BAZ2A: variants seen among roughly 807,000 people sequenced by gnomAD.
The protein encoded by BAZ2A is bromodomain adjacent to zinc finger domain protein 2A.
In BAZ2A, 34 loss-of-function variants were observed where a neutral mutation model predicts 199.9. The ratio of observed to expected loss-of-function variants is 0.17; its 90% CI spans 0.13 to 0.23. The LOEUF is 0.23. Ranked by LOEUF, BAZ2A falls within the 10% of genes least tolerant of loss-of-function variation. The pLI, the probability that BAZ2A is intolerant of heterozygous loss-of-function variation, is 1.00. For synonymous variants in BAZ2A, 857 were observed against 883.9 expected (o/e 0.97, Z 0.54); for missense variants, 2,002 against 2,391.1 (o/e 0.84, Z 3.39).
rs770698088 is a variant in BAZ2A at position 56,611,847 on chromosome 12, T to C, written c.1535A>G (p.Asp512Gly). 1 of 1,594,878 alleles carries C rather than the reference T, an allele frequency of 6.3e-7. No homozygotes were observed. The highest frequency in any genetic ancestry group is 2.2e-5 in the East Asian group (1 of 44,642). The change falls in exon 6 of 29, where the codon GAT (aspartate) becomes GGT (glycine). Residue 512 changes from aspartate to glycine, a missense_variant. Physicochemically the swap from Asp to Gly is moderately conservative, Grantham distance 94 (BLOSUM62 -1). This residue lies in a region of BAZ2A where 641 missense variants were observed against 694.5 expected (regional missense o/e 0.92). Transcript: ENST00000549884. The stretch of plus-strand genomic sequence containing the variant: ...AGTGGTTTCTAGAAAGCTGCTGACA[T>C]CCTTATTTGCTGGGGAGGCTGTTGG... ...AFPTASPANK[D>G]VSSFLETTAD...
At position 56,601,781 on chromosome 12, in the gene BAZ2A, G is replaced by A; in HGVS notation, c.3836C>T (p.Ser1279Phe). The A allele has an allele frequency of 6.2e-7, 1 of 1,613,992 alleles. No individual in the cohort carries two copies. The highest frequency in any genetic ancestry group is 8.5e-7 in the Non-Finnish European group (1 of 1,179,892). The change falls in exon 20 of 29, where the codon TCC (serine) becomes TTC (phenylalanine). Residue 1279 changes from serine to phenylalanine, a missense_variant. Physicochemically the swap from Ser to Phe is radical, Grantham distance 155. Transcript: ENST00000549884. ...TGTGAGGACTGAGCTGCTCAACAGG[G>A]AGCTATGGCTCTGAGTCTGGCTCAG... ...SWLSQTQSHSSLLSSSVLTPD... is the reference protein window; with the variant it reads ...SWLSQTQSHSFLLSSSVLTPD...
upstream of BAZ2A, among the ~76,000 whole-genome samples, chr12:56,633,435 G>A (rs1279335154): frequency 6.6e-6 from 1 of 152,168 alleles, no homozygotes; most frequent in Non-Finnish European, 1.5e-5. Flanking sequence ...TGGAAGTGAG[G>A]AGTGGGAAAT....
At position 56,600,571 on chromosome 12, in the gene BAZ2A, C is replaced by T; in HGVS notation, c.4603-81G>A. On this transcript the variant is annotated intron_variant, in intron 23 of 28. Coordinates refer to ENST00000549884, the MANE Select transcript of BAZ2A (RefSeq NM_001300905.2). Reference sequence around the variant, plus strand: ...GGAAAAAAAAAAACAAAAACAAGACCCACTTAAGGTAGGTCACCTGTGAAG... The same window carrying T: ...GGAAAAAAAAAAACAAAAACAAGACTCACTTAAGGTAGGTCACCTGTGAAG... The T allele has an allele frequency of 7.0e-6, 11 of 1,573,930 alleles. No individual in the cohort carries two copies. In the South Asian group the frequency reaches 1.3e-4, roughly 19 times the overall value.
intron 26 of BAZ2A, 120 bp from the exon 27 acceptor site, chr12:56,599,478 G>A: frequency 7.7e-7 from 1 of 1,301,036 alleles, no homozygotes; most frequent in Non-Finnish European, 1.0e-6. Context: ...GCCGGCATTG[G>A]TTTATTCACA....
intron 1 of BAZ2A, among the ~76,000 whole-genome samples, chr12:56,629,491 A>T (rs1951222417): frequency 6.6e-6 from 1 of 152,116 alleles, no homozygotes; most frequent in Admixed American, 6.6e-5. Flanking sequence ...GCCTCAGCGG[A>T]AGCCCTATCA....
At position 56,617,415 on chromosome 12, in the gene BAZ2A, T is replaced by C. The variant is rs1325362343; in HGVS notation, c.116A>G (p.Asn39Ser). 1 of 1,603,086 alleles carries C rather than the reference T, an allele frequency of 6.2e-7. No homozygotes were observed. The highest frequency in any genetic ancestry group is 2.2e-5 in the East Asian group (1 of 44,474). Residue 39 changes from asparagine to serine, a missense_variant, in exon 2 of 29, where the codon AAC becomes AGC. Physicochemically the swap from Asn to Ser is conservative, Grantham distance 46 (BLOSUM62 1). Around this residue, in one of 6 missense-constraint regions of BAZ2A, gnomAD observed 641 missense variants for 694.5 expected, o/e 0.92. Transcript: ENST00000549884. ...EGLYTNGSPM[N>S]FPQQGKSLNG... ...CTCACTTTTCCCTTGCTGGGGGAAGTTCATGGGAGACCCGTTAGTGTAGAG... is the reference window on the plus strand; with the variant it reads ...CTCACTTTTCCCTTGCTGGGGGAAGCTCATGGGAGACCCGTTAGTGTAGAG...
Position 56,600,276 on chromosome 12 carries a change from G to C in BAZ2A, c.4817C>G (p.Pro1606Arg), listed in dbSNP as rs1471404507. The C allele has an allele frequency of 6.2e-7, 1 of 1,614,014 alleles. No homozygotes were observed. The highest frequency in any genetic ancestry group is 2.2e-5 in the East Asian group (1 of 44,868). ...ERRYLREPLWPTHEVVLEKAL... is the reference protein window; with the variant it reads ...ERRYLREPLWRTHEVVLEKAL... ...CTTCTCCAGCACAACCTCATGAGTT[G>C]GCCAGAGGGGCTCCCGCAGGTACCG... Residue 1606 changes from proline to arginine, a missense_variant, in exon 24 of 29, where the codon CCA (proline) becomes CGA (arginine). By Grantham distance (103) the Pro-to-Arg change is moderately radical (BLOSUM62 -2). Coordinates refer to ENST00000549884, the MANE Select transcript of BAZ2A (RefSeq NM_001300905.2).
Position 56,630,273 on chromosome 12 carries a change from C to A in BAZ2A, c.-151G>T, listed in dbSNP as rs1372917130. The A allele has an allele frequency of 1.0e-6, 1 of 984,244 alleles. No individual in the cohort carries two copies. The highest frequency in any genetic ancestry group is 1.2e-6 in the Non-Finnish European group (1 of 828,964). The allele number at this position is 984,244 out of a possible 1,614,324, so 61.0% of individuals were successfully genotyped here. On this transcript the variant is annotated 5_prime_UTR_variant, in exon 1 of 29. Transcript: ENST00000549884. ...CGGGGTTCGGGAAGGGGGAGGGGGA[C>A]GCGGCTCAACCGCGGGGCCCGAGAG...
In BAZ2A at chr12:56,600,948, G is replaced by A. The variant is rs1338033485; in HGVS notation, c.4445C>T (p.Ser1482Leu). 5 of 1,613,848 alleles carry A rather than the reference G, an allele frequency of 3.1e-6. No homozygotes were observed. Among genetic ancestry groups the A allele is most frequent in the Middle Eastern group, 1.6e-4 (1 of 6,062 alleles). ...GGGTGTAGGAATGTATTTACCAGCT[G>A]AGGGCCGCAGGCAGACTTCCTGCAA... is the stretch of plus-strand genomic sequence containing the variant. ...DFLQEVCLRP[S>L]ADPIFEPRQL... The change falls in exon 22 of 29, where the codon TCA (serine) becomes TTA (leucine). Residue 1482 changes from serine to leucine, a missense_variant. Physicochemically the swap from Ser to Leu is moderately radical, Grantham distance 145. Transcript: ENST00000549884.
chr12:56,614,334 C>A, intron 3 of BAZ2A, 196 bp from the exon 4 acceptor site: 1 of 542,488 alleles, frequency 1.8e-6, no homozygotes, highest in East Asian at 2.9e-5. Flanking sequence ...CTACAGCAGG[C>A]AAAGAGAGGA....
At chr12:56,627,825 C>CAA (rs547754562) in intron 1 of BAZ2A, among the ~76,000 whole-genome samples, 9 of 58,214 alleles carry the variant, frequency 1.5e-4, no homozygotes, top group African/African-American at 2.8e-4. Flanking sequence ...GACCCTGTCT[C>CAA]AAAAAAAAAA....
At chr12:56,617,645 A>G in intron 1 of BAZ2A, 113 bp from the exon 2 acceptor site, 1 of 1,178,254 alleles carries the variant, frequency 8.5e-7, no homozygotes, top group Non-Finnish European at 1.2e-6. Flanking sequence ...CCCTTCTCCT[A>G]CCTAAGTACT....
intron 1 of BAZ2A, among the ~76,000 whole-genome samples, chr12:56,625,328 A>T (rs988509956): frequency 6.6e-6 from 1 of 151,356 alleles, no homozygotes; most frequent in South Asian, 2.1e-4. Flanking sequence ...GCTAATTTTC[A>T]TATTTTTAGT....
rs1300186261 is a variant in BAZ2A, at chr12:56,597,422, C to G, written c.*1196G>C. On this transcript the variant is annotated 3_prime_UTR_variant, in exon 29 of 29. Transcript: ENST00000549884. ...AAAAATGACCAGGAGAGAGACACAG[C>G]CTTGTCTCCAGAGAAATTGTTCCTG... The G allele has an allele frequency of 6.6e-6, 1 of 152,172 alleles. No homozygotes were observed. Among genetic ancestry groups the G allele is most frequent in the Non-Finnish European group, 1.5e-5 (1 of 67,958 alleles). The allele number at this position is 152,172 out of a possible 1,614,324, so 9.4% of individuals were successfully genotyped here.
At position 56,606,731 on chromosome 12, in the gene BAZ2A, T is replaced by A; in HGVS notation, c.2095A>T (p.Thr699Ser). The change falls in exon 11 of 29, where the codon ACA (threonine) becomes TCA (serine). Residue 699 changes from threonine to serine, a missense_variant and splice_region_variant. Physicochemically the swap from Thr to Ser is moderately conservative, Grantham distance 58 (BLOSUM62 1). This residue lies in a region of BAZ2A where 1,081 missense variants were observed against 1,274.7 expected (regional missense o/e 0.85). Transcript: ENST00000549884. ...RPLKKLEAQE[T>S]LNEEDKAKIA... ...TTTGCTTTATCCTCCTCATTCAATG[T>A]TTCTGTGAGAGCAGAAAGAAAAATG... The A allele has an allele frequency of 6.2e-7, 1 of 1,613,396 alleles. No individual in the cohort carries two copies.
intron 1 of BAZ2A, among the ~76,000 whole-genome samples, chr12:56,625,382 C>A (rs1951056169): frequency 6.6e-6 from 1 of 151,888 alleles, no homozygotes; most frequent in Non-Finnish European, 1.5e-5. Context: ...TCTTGAACTC[C>A]TGACTTCAGG....
chr12:56,637,306 G>T (rs7956952), upstream of BAZ2A, among the ~76,000 whole-genome samples: 1 of 152,162 alleles, frequency 6.6e-6, no homozygotes, highest in African/African-American at 2.4e-5. Flanking sequence ...TTCTACCCCT[G>T]CACCTCTCAG....
intron 19 of BAZ2A, 134 bp from the exon 20 acceptor site, chr12:56,602,326 G>A: frequency 1.3e-6 from 1 of 779,964 alleles, no homozygotes; most frequent in Admixed American, 2.9e-5. Flanking sequence ...ACTGGGAAGA[G>A]CTTATATGCC....
chr12:56,625,250 G>A (rs901817859), intron 1 of BAZ2A, among the ~76,000 whole-genome samples: 14 of 147,906 alleles, frequency 9.5e-5, no homozygotes, highest in African/African-American at 2.7e-4. Context: ...CCATCTCCCC[G>A]GTTCAAGCAA....
Sources: gnomAD v4.1 joint callset for allele counts (sites outside exome capture counted in the v4.1 genomes callset) on GRCh38, gnomAD v4.1.1 for gene constraint, gnomAD v4.1.1 regional missense constraint, MANE v1.5 for transcripts, NCBI Gene and HGNC (gene_info 2026-07-23, HGNC 2026-07-21) for gene names.